BABAM2: variants seen among roughly 807,000 people sequenced by gnomAD.
BABAM2 encodes BRISC and BRCA1-A complex member 2.
BABAM2 carries 31 observed loss-of-function variants against 54.7 expected under a neutral mutation model. The ratio of observed to expected loss-of-function variants is 0.57; its 90% CI spans 0.43 to 0.77. The LOEUF is 0.77. Ranked by LOEUF, BABAM2 falls within the 30% of genes least tolerant of loss-of-function variation. The pLI, the probability that BABAM2 is intolerant of heterozygous loss-of-function variation, is 0.00. For synonymous variants in BABAM2, 167 were observed against 162.9 expected, an observed-to-expected ratio of 1.03 and a Z score of -0.19; for missense variants, 364 against 455.8, an observed-to-expected ratio of 0.80 and a Z score of 1.83.
At chr2:28,011,140 T>A (rs970275821) in intron 4 of BABAM2, among the ~76,000 whole-genome samples, 1 of 152,174 alleles carries the variant, frequency 6.6e-6, no homozygotes, top group Non-Finnish European at 1.5e-5. Flanking sequence ...AAATTTGGTT[T>A]GGTGTTATCA....
intron 3 of BABAM2, among the ~76,000 whole-genome samples, chr2:27,957,735 C>G (rs2148421330): frequency 6.6e-6 from 1 of 152,254 alleles, no homozygotes; most frequent in East Asian, 1.9e-4. Context: ...GACCTTACCA[C>G]TCCTCCAGGT....
intron 7 of BABAM2, among the ~76,000 whole-genome samples, chr2:28,181,388 C>T (rs577327294): frequency 3.9e-5 from 6 of 152,210 alleles, no homozygotes; most frequent in African/African-American, 7.2e-5. Context: ...ACAAATATCA[C>T]GTGTTCTCAT....
intron 2 of BABAM2, among the ~76,000 whole-genome samples, chr2:27,905,128 C>T (rs1666097844): frequency 6.6e-6 from 1 of 152,114 alleles, no homozygotes; most frequent in East Asian, 1.9e-4. Flanking sequence ...AAAATTTACT[C>T]AATAGTTCAA....
chr2:28,040,490 C>T (rs1188809234), intron 5 of BABAM2, among the ~76,000 whole-genome samples: 1 of 150,942 alleles, frequency 6.6e-6, no homozygotes, highest in African/African-American at 2.4e-5. Flanking sequence ...TTAGTAGAGA[C>T]GGGGTTTCAC....
intron 7 of BABAM2, among the ~76,000 whole-genome samples, chr2:28,172,773 C>T (rs1674500070): frequency 6.6e-6 from 1 of 152,144 alleles, no homozygotes; most frequent in Non-Finnish European, 1.5e-5. Context: ...TCCAAATATG[C>T]TTTCCGGGAG....
rs2148296534 is a variant in BABAM2, at chr2:27,908,241, A to G, written c.128+13557A>G. Among the ~76,000 whole-genome samples, 6 of 152,212 alleles carry G rather than the reference A, an allele frequency of 3.9e-5. 1 individual carries two copies. Among genetic ancestry groups the G allele is most frequent in the Admixed American group, 3.9e-4 (6 of 15,270 alleles). On this transcript the variant is annotated intron_variant, in intron 2 of 11. Coordinates refer to ENST00000379624, the MANE Select transcript of BABAM2 (RefSeq NM_199191.3). ...ACATGGGTAGTGAGTATAGTACTCA[A>G]TAGGTAGGTTCTCTTTTTTTAAAAA...
At chr2:28,241,503 T>TTTTTTTTTTTTC in intron 9 of BABAM2, 110 bp downstream of exon 9, 1 of 328,206 alleles carries the variant, frequency 3.0e-6, no homozygotes, top group Non-Finnish European at 5.0e-6. Flanking sequence ...ACATGATACC[T>TTTTTTTTTTTTC]TTTTTTTTTT....
chr2:28,315,472 TTTTCTTTTCTTTTCGA>T (rs1689470338), intron 11 of BABAM2, among the ~76,000 whole-genome samples: 1 of 99,480 alleles, frequency 1.0e-5, no homozygotes, highest in Non-Finnish European at 2.1e-5. Flanking sequence ...TTTTCTTTTC[TTTTCTTTTCTTTTCGA>T]GACAGAGTCT....
chr2:28,178,341 A>G (rs1675241382), intron 7 of BABAM2, among the ~76,000 whole-genome samples: 1 of 152,182 alleles, frequency 6.6e-6, no homozygotes. Context: ...AATCAAAAAG[A>G]AGAAGAACTT....
intron 6 of BABAM2, among the ~76,000 whole-genome samples, chr2:28,088,913 A>T (rs944005170): frequency 6.6e-6 from 1 of 152,096 alleles, no homozygotes; most frequent in Admixed American, 6.5e-5. Context: ...ACCTGCCTTG[A>T]TGTGACAAAT....
chr2:28,061,584 C>CAAA lies in BABAM2; in HGVS notation c.570+15802_570+15804dup, dbSNP rs397871191. Among the ~76,000 whole-genome samples the CAAA allele has an allele frequency of 1.4e-3, 77 of 54,032 alleles. 1 individual carries two copies. Among genetic ancestry groups the CAAA allele is most frequent in the African/African-American group, 4.5e-3 (72 of 15,888 alleles). The allele number at this position is 54,032 out of a possible 152,430, so 35.4% of individuals were successfully genotyped here. A position where few individuals can be genotyped will look rare whatever the true frequency, so the allele number is the denominator to read the frequency against. On this transcript the variant is annotated intron_variant, in intron 6 of 11. Transcript: ENST00000379624. ...TGAGCAACAGAGTGAGACTCTGTCT[C>CAAA]AAAAAAAAAAAAAAAAAAAGAGAAA... is the stretch of plus-strand genomic sequence containing the variant.
chr2:28,058,141 CAA>C (rs577500237), intron 6 of BABAM2, among the ~76,000 whole-genome samples: 2 of 133,266 alleles, frequency 1.5e-5, no homozygotes. Context: ...GAGACTGTCT[CAA>C]AAAAAAAAAA....
In BABAM2 at chr2:28,176,841, C is replaced by CAAA. The variant is rs370551860; in HGVS notation, c.680+47475_680+47477dup. On this transcript the variant is annotated intron_variant, in intron 7 of 11. Transcript: ENST00000379624. Reference sequence around the variant, plus strand: ...CTCTTTTGAAATAACCCAGTCAGAACAAAAAAAAAAAAAAAAGAAGAAGGA... The same window carrying CAAA: ...CTCTTTTGAAATAACCCAGTCAGAACAAAAAAAAAAAAAAAAAAAGAAGAAGGA... 1.8e-4 allele frequency among the ~76,000 whole-genome samples: 9 copies of CAAA among 49,340 alleles called. No homozygotes were observed. The East Asian group carries it at 3.0e-3, about 16-fold the overall frequency. The allele number at this position is 49,340 out of a possible 152,430, so 32.4% of individuals were successfully genotyped here. A position where few individuals can be genotyped will look rare whatever the true frequency, so the allele number is the denominator to read the frequency against.
chr2:28,314,448 C>G (rs1389963404), intron 11 of BABAM2, among the ~76,000 whole-genome samples: 1 of 152,226 alleles, frequency 6.6e-6, no homozygotes, highest in Admixed American at 6.5e-5. Context: ...CACCAGGCAG[C>G]TGAGCTCAGC....
intron 10 of BABAM2, among the ~76,000 whole-genome samples, chr2:28,259,730 A>G (rs1684324083): frequency 6.6e-6 from 1 of 152,120 alleles, no homozygotes; most frequent in Admixed American, 6.6e-5. Flanking sequence ...TCTAAAATGT[A>G]GGTCTGTGTT....
At position 28,329,656 on chromosome 2, in the gene BABAM2, C is replaced by T. The variant is rs777100154; in HGVS notation, c.1089-8794C>T. Among the ~76,000 whole-genome samples, 3 of 152,126 alleles carry T rather than the reference C, an allele frequency of 2.0e-5. No individual in the cohort carries two copies. The South Asian group carries it at 6.2e-4, about 32-fold the overall frequency. ...GAAAGAAGTTGAATCCCTGAATAGACCAATAACAAGTTCTGAAATTGAGGC... is the reference window on the plus strand; with the variant it reads ...GAAAGAAGTTGAATCCCTGAATAGATCAATAACAAGTTCTGAAATTGAGGC... On this transcript the variant is annotated intron_variant, in intron 11 of 11. Transcript: ENST00000379624. This position sits in a 1 kb window ranked among gnomAD's most constrained non-coding sequence, Gnocchi z 4.2.
intron 7 of BABAM2, among the ~76,000 whole-genome samples, chr2:28,163,717 C>T (rs746059213): frequency 2.6e-5 from 4 of 152,192 alleles, no homozygotes; most frequent in African/African-American, 9.7e-5. Context: ...ACAATGTACT[C>T]CTAAGGGTGA....
intron 3 of BABAM2, among the ~76,000 whole-genome samples, chr2:27,959,069 G>A (rs1213938518): frequency 3.3e-5 from 5 of 152,194 alleles, no homozygotes; most frequent in Admixed American, 6.5e-5. Context: ...TAACTATGAA[G>A]CTTTAGAGAG....
intron 7 of BABAM2, among the ~76,000 whole-genome samples, chr2:28,162,927 A>G (rs1324606062): frequency 6.6e-6 from 1 of 152,190 alleles, no homozygotes; most frequent in East Asian, 1.9e-4. Flanking sequence ...GCTAGATGTC[A>G]GTTTTTTTCC....
Sources: gnomAD v4.1 joint callset for allele counts (sites outside exome capture counted in the v4.1 genomes callset) on GRCh38, gnomAD v4.1.1 for gene constraint, Gnocchi (gnomAD v3.1) non-coding constraint, MANE v1.5 for transcripts, NCBI Gene and HGNC (gene_info 2026-07-23, HGNC 2026-07-21) for gene names.